MSRA: variants seen among roughly 807,000 people sequenced by gnomAD.
The protein encoded by MSRA is mitochondrial peptide methionine sulfoxide reductase.
In MSRA, 54 loss-of-function variants were observed where a neutral mutation model predicts 31.3. The ratio of observed to expected loss-of-function variants is 1.73; its 90% CI spans 1.39 to 2.17. MSRA has a LOEUF of 2.17. Among genes scored for constraint, MSRA ranks in the 30% most tolerant of loss-of-function variants. MSRA has a pLI of 0.00. For synonymous variants in MSRA, 169 were observed against 116.5 expected (o/e 1.45, Z -2.90); for missense variants, 507 against 300.9 (o/e 1.69, Z -5.07).
chr8:10,404,653 G>A (rs932425688), intron 5 of MSRA, among the ~76,000 whole-genome samples: 8 of 152,340 alleles, frequency 5.3e-5, no homozygotes, highest in Non-Finnish European at 7.4e-5. Context: ...CTGCCGCGCC[G>A]CCCTCCCTCG....
chr8:10,275,383 G>T (rs1321249118), intron 3 of MSRA, among the ~76,000 whole-genome samples: 5 of 152,188 alleles, frequency 3.3e-5, no homozygotes, highest in Admixed American at 3.3e-4. Context: ...TCCAAGCCTT[G>T]TGTAAGGGTT....
chr8:10,134,555 C>T (rs889818515), intron 1 of MSRA, among the ~76,000 whole-genome samples: 2 of 152,234 alleles, frequency 1.3e-5, no homozygotes, highest in Non-Finnish European at 2.9e-5. Flanking sequence ...CAGGACCCTT[C>T]GGCCAAGGGA....
chr8:10,130,846 C>T (rs1254455489), intron 1 of MSRA, among the ~76,000 whole-genome samples: 1 of 152,150 alleles, frequency 6.6e-6, no homozygotes, highest in East Asian at 1.9e-4. Flanking sequence ...TTTGAGGGCA[C>T]ACAGAAAGCT....
At chr8:10,149,223 G>A (rs1803436006) in intron 1 of MSRA, among the ~76,000 whole-genome samples, 1 of 151,928 alleles carries the variant, frequency 6.6e-6, no homozygotes, top group South Asian at 2.1e-4. Flanking sequence ...CCGGGTTCAA[G>A]CAATTCTCCT....
At chr8:10,364,004 A>G (rs1805014627) in intron 5 of MSRA, among the ~76,000 whole-genome samples, 3 of 152,204 alleles carry the variant, frequency 2.0e-5, no homozygotes. Context: ...TAGGGGTCAG[A>G]GAGAACTGTT....
intron 5 of MSRA, among the ~76,000 whole-genome samples, chr8:10,397,473 C>G (rs1165911793): frequency 2.0e-5 from 3 of 152,150 alleles, no homozygotes; most frequent in African/African-American, 4.8e-5. Flanking sequence ...GAGTAGAGCT[C>G]TGGGGTATGA....
At position 10,358,869 on chromosome 8, in the gene MSRA, G is replaced by A. The variant is rs1482300243; in HGVS notation, c.543+38880G>A. On this transcript the variant is annotated intron_variant, in intron 5 of 5. Coordinates refer to ENST00000317173, the MANE Select transcript of MSRA (RefSeq NM_012331.5). ...GGCCTCCCAAAGTGCTGGGATTACA[G>A]GCGTGAGCCACCAGCATTAGATTCT... Among the ~76,000 whole-genome samples the A allele has an allele frequency of 4.0e-5, 6 of 149,190 alleles. No individual in the cohort carries two copies. In the South Asian group the frequency reaches 1.2e-3, roughly 31 times the overall value.
chr8:10,294,328 A>G (rs1172370391), intron 3 of MSRA, among the ~76,000 whole-genome samples: 1 of 152,246 alleles, frequency 6.6e-6, no homozygotes, highest in Non-Finnish European at 1.5e-5. Context: ...CAACGCTGCC[A>G]TGAAGAAAGG....
intron 1 of MSRA, among the ~76,000 whole-genome samples, chr8:10,077,973 T>A (rs941316540): frequency 6.6e-6 from 1 of 152,214 alleles, no homozygotes; most frequent in Non-Finnish European, 1.5e-5. Flanking sequence ...TCACTAATAT[T>A]TTCAGTTTTG....
chr8:10,218,037 G>C (rs752963829), intron 2 of MSRA, among the ~76,000 whole-genome samples: 11 of 152,020 alleles, frequency 7.2e-5, no homozygotes, highest in Non-Finnish European at 1.6e-4. Context: ...TCTACAAACC[G>C]AGAGTGAGAG....
At chr8:10,103,058 A>G (rs1799641967) in intron 1 of MSRA, among the ~76,000 whole-genome samples, 2 of 152,208 alleles carry the variant, frequency 1.3e-5, no homozygotes, top group African/African-American at 4.8e-5. Context: ...CCACTAGCAC[A>G]TTGAATAAAA....
At chr8:10,095,731 T>G (rs1799109016) in intron 1 of MSRA, 18 of 1,095,670 alleles carry the variant, frequency 1.6e-5, no homozygotes, top group African/African-American at 3.3e-5. Context: ...GTTTTCAAAC[T>G]TAGAAGGCTT....
At chr8:10,269,569 A>C (rs899432563) in intron 3 of MSRA, among the ~76,000 whole-genome samples, 1 of 152,226 alleles carries the variant, frequency 6.6e-6, no homozygotes, top group African/African-American at 2.4e-5. Flanking sequence ...AATGCGTGGG[A>C]TTCAGAGGCA....
At chr8:10,344,403 G>A (rs768595616) in intron 5 of MSRA, among the ~76,000 whole-genome samples, 2 of 151,612 alleles carry the variant, frequency 1.3e-5, no homozygotes, top group African/African-American at 2.4e-5. Flanking sequence ...GTGAAACCCC[G>A]TCTCTACTAA....
intron 4 of MSRA, among the ~76,000 whole-genome samples, chr8:10,310,088 T>G (rs1259622635): frequency 6.6e-6 from 1 of 152,258 alleles, no homozygotes; most frequent in Non-Finnish European, 1.5e-5. Context: ...CCCCTTGAAG[T>G]TAGTTTTTTA....
chr8:10,414,424 G>A lies in MSRA; in HGVS notation c.544-13724G>A, dbSNP rs1433666889. On this transcript the variant is annotated intron_variant, in intron 5 of 5. Coordinates refer to ENST00000317173, the MANE Select transcript of MSRA (RefSeq NM_012331.5). ...AATGCCTCCAACCATTCTGCAGTCGGTGTGACCCACCATCTCAGTTTGCCA... is the reference window on the plus strand; with the variant it reads ...AATGCCTCCAACCATTCTGCAGTCGATGTGACCCACCATCTCAGTTTGCCA... Among the ~76,000 whole-genome samples, 6 of 152,184 alleles carry A rather than the reference G, an allele frequency of 3.9e-5. No homozygotes were observed. The East Asian group carries it at 7.7e-4, about 20-fold the overall frequency.
chr8:10,318,996 A>T (rs10089263), intron 4 of MSRA, among the ~76,000 whole-genome samples: 57,492 of 151,906 alleles, frequency 0.38, 10,947 homozygotes, highest in Non-Finnish European at 0.4. Flanking sequence ...AAGACAAGTC[A>T]CTTCCTTGAT....
At chr8:10,103,190 A>G (rs1293502042) in intron 1 of MSRA, among the ~76,000 whole-genome samples, 5 of 152,188 alleles carry the variant, frequency 3.3e-5, no homozygotes, top group Admixed American at 2.0e-4. Flanking sequence ...GCGAGGTTTT[A>G]TCAGACTTTT....
chr8:10,411,144 C>A (rs557998114), intron 5 of MSRA: 1 of 152,278 alleles, frequency 6.6e-6, no homozygotes, highest in Admixed American at 6.5e-5. Flanking sequence ...ATTAGAAGAA[C>A]CGAAGAGGCC....
Sources: allele counts gnomAD v4.1 joint callset (sites outside exome capture counted in the v4.1 genomes callset), GRCh38; gene constraint gnomAD v4.1.1; transcripts MANE v1.5; gene names NCBI Gene and HGNC (gene_info 2026-07-23, HGNC 2026-07-21).